The following SLC2A13 variants were observed in gnomAD, a reference collection of about 807,000 sequenced individuals.
SLC2A13 encodes the protein solute carrier family 2 member 13.
A neutral mutation model predicts 64.4 loss-of-function variants in SLC2A13; 32 were observed. The observed-to-expected ratio is 0.50, with a 90% confidence interval of 0.37 to 0.67. The LOEUF (loss-of-function observed/expected upper bound fraction) is 0.67, where lower values mean the gene tolerates loss of function less well. Among genes scored for constraint, SLC2A13 ranks in the 30% least tolerant of loss-of-function variants. The pLI, the probability that SLC2A13 is intolerant of heterozygous loss-of-function variation, is 0.00. For missense variants in SLC2A13, 743 were observed against 829.2 expected (o/e 0.90, Z 1.28); for synonymous variants, 338 against 327.1 (o/e 1.03, Z -0.36).
intron 6 of SLC2A13, among the ~76,000 whole-genome samples, chr12:39,842,291 A>G (rs1481452245): frequency 6.6e-6 from 1 of 152,136 alleles, no homozygotes; most frequent in Non-Finnish European, 1.5e-5. Flanking sequence ...ATCCTGGTGA[A>G]GTATGCAGGA....
chr12:39,945,627 C>T lies in SLC2A13; in HGVS notation c.1034+5630G>A, dbSNP rs1436712985. Among the ~76,000 whole-genome samples the T allele has an allele frequency of 3.3e-5, 5 of 152,086 alleles. No individual in the cohort carries two copies. In the South Asian group the frequency reaches 6.2e-4, roughly 19 times the overall value. ...TTGAGCTCTGAATTTCTTTCTTCTA[C>T]TTGTTCAATTCTGTTTCTGACACTT... On this transcript the variant is annotated intron_variant, in intron 4 of 9. Transcript: ENST00000280871.
In SLC2A13 at chr12:40,042,520, A is replaced by G. The variant is rs183708857; in HGVS notation, c.716+5531T>C. Among the ~76,000 whole-genome samples, 50 of 152,294 alleles carry G rather than the reference A, an allele frequency of 3.3e-4. No individual in the cohort carries two copies. In the East Asian group the frequency reaches 9.6e-3, roughly 29 times the overall value. On this transcript the variant is annotated intron_variant, in intron 2 of 9. Transcript: ENST00000280871. Reference sequence around the variant, plus strand: ...ATTTGTACCTGCAGAAACACATATAATTAATGATTTAATTTTTATCTATCT... The same window carrying G: ...ATTTGTACCTGCAGAAACACATATAGTTAATGATTTAATTTTTATCTATCT...
At chr12:40,058,386 TTAGAAAA>T (rs764889748) in intron 1 of SLC2A13, among the ~76,000 whole-genome samples, 3 of 152,216 alleles carry the variant, frequency 2.0e-5, no homozygotes, top group Non-Finnish European at 4.4e-5. Context: ...TACTTTTAAA[TTAGAAAA>T]TAGAAAAGTT....
At chr12:40,096,757 T>A (rs1039297690) in intron 1 of SLC2A13, among the ~76,000 whole-genome samples, 9 of 151,980 alleles carry the variant, frequency 5.9e-5, no homozygotes, top group Admixed American at 5.2e-4. Context: ...ATATATATAT[T>A]ATTTCTTTGC....
chr12:39,953,362 AT>A (rs1262331742), intron 3 of SLC2A13, among the ~76,000 whole-genome samples: 2 of 152,160 alleles, frequency 1.3e-5, no homozygotes, highest in Non-Finnish European at 1.5e-5. Flanking sequence ...TAATGGATAA[AT>A]TTTGGTCCCA....
intron 3 of SLC2A13, among the ~76,000 whole-genome samples, chr12:39,989,879 T>C (rs548337022): frequency 6.6e-6 from 1 of 152,326 alleles, no homozygotes; most frequent in South Asian, 2.1e-4. Flanking sequence ...GATGAGAAAT[T>C]ACTGTAAAAT....
At chr12:39,932,432 T>C (rs779315015) in intron 4 of SLC2A13, among the ~76,000 whole-genome samples, 1 of 152,166 alleles carries the variant, frequency 6.6e-6, no homozygotes, top group South Asian at 2.1e-4. Context: ...ATCATCAACG[T>C]CAACATCTGG....
chr12:39,892,239 C>A (rs1005653092), intron 4 of SLC2A13, among the ~76,000 whole-genome samples: 1 of 152,218 alleles, frequency 6.6e-6, no homozygotes, highest in Non-Finnish European at 1.5e-5. Flanking sequence ...TTGTCTATCT[C>A]ATTAATCTGC....
At chr12:39,870,701 A>G (rs1210307769) in intron 5 of SLC2A13, among the ~76,000 whole-genome samples, 1 of 152,156 alleles carries the variant, frequency 6.6e-6, no homozygotes, top group African/African-American at 2.4e-5. Context: ...CCTTAATCAG[A>G]CAATCTCTCA....
At chr12:40,083,742 C>T (rs1310626233) in intron 1 of SLC2A13, among the ~76,000 whole-genome samples, 1 of 152,166 alleles carries the variant, frequency 6.6e-6, no homozygotes, top group Admixed American at 6.5e-5. Flanking sequence ...GGGACTCACC[C>T]CTCCAAAGGT....
chr12:39,932,245 G>A (rs1024335791), intron 4 of SLC2A13, among the ~76,000 whole-genome samples: 1 of 152,100 alleles, frequency 6.6e-6, no homozygotes, highest in Non-Finnish European at 1.5e-5. Flanking sequence ...ACTAAGGATT[G>A]GGGGGAATCA....
At chr12:40,034,247 A>ATACT (rs1445105125) in intron 2 of SLC2A13, among the ~76,000 whole-genome samples, 1 of 152,242 alleles carries the variant, frequency 6.6e-6, no homozygotes, top group African/African-American at 2.4e-5. Flanking sequence ...TTCAGACACC[A>ATACT]TACTCATTTA....
chr12:39,966,862 T>G (rs2136122827), intron 3 of SLC2A13, among the ~76,000 whole-genome samples: 1 of 152,298 alleles, frequency 6.6e-6, no homozygotes, highest in Non-Finnish European at 1.5e-5. Context: ...GTGATTGTTT[T>G]TCATTAGGCT....
intron 6 of SLC2A13, among the ~76,000 whole-genome samples, chr12:39,855,578 T>A (rs892533146): frequency 1.3e-5 from 2 of 152,222 alleles, no homozygotes; most frequent in Admixed American, 6.5e-5. Flanking sequence ...AGGCTGTTTT[T>A]TTTGTTGTTG....
At chr12:39,776,824 G>A (rs1218934408) in intron 7 of SLC2A13, among the ~76,000 whole-genome samples, 5 of 152,142 alleles carry the variant, frequency 3.3e-5, no homozygotes, top group African/African-American at 9.7e-5. Flanking sequence ...TGCTTAACAT[G>A]AAAAGTTATA....
chr12:39,901,036 A>C (rs999348931), intron 4 of SLC2A13, among the ~76,000 whole-genome samples: 7 of 152,166 alleles, frequency 4.6e-5, no homozygotes, highest in African/African-American at 1.7e-4. Flanking sequence ...ATAACACTGC[A>C]TATCTACAAC....
intron 5 of SLC2A13, among the ~76,000 whole-genome samples, chr12:39,867,104 C>T (rs1399998203): frequency 1.3e-5 from 2 of 152,142 alleles, no homozygotes; most frequent in Non-Finnish European, 2.9e-5. Flanking sequence ...GATCATACCT[C>T]TCTCCTAAAA....
intron 7 of SLC2A13, among the ~76,000 whole-genome samples, chr12:39,821,860 G>A (rs989864677): frequency 6.6e-6 from 1 of 151,924 alleles, no homozygotes; most frequent in Non-Finnish European, 1.5e-5. Flanking sequence ...TAATACAATC[G>A]ATCACACGTG....
intron 4 of SLC2A13, among the ~76,000 whole-genome samples, chr12:39,937,136 T>C (rs914640093): frequency 1.2e-4 from 19 of 152,194 alleles, no homozygotes; most frequent in African/African-American, 3.9e-4. Flanking sequence ...AGTGAACTCA[T>C]AGAGAAGAAT....
Sources: allele counts gnomAD v4.1 joint callset (sites outside exome capture counted in the v4.1 genomes callset), GRCh38; gene constraint gnomAD v4.1.1; transcripts MANE v1.5; gene names NCBI Gene and HGNC (gene_info 2026-07-23, HGNC 2026-07-21).